Variants in CTNNA1 observed in about 807,000 individuals in gnomAD.
CTNNA1 encodes catenin alpha-1.
Under a neutral mutation model 98.4 loss-of-function variants are expected in CTNNA1, and 37 were observed. The ratio of observed to expected loss-of-function variants is 0.38; its 90% CI spans 0.29 to 0.49. The LOEUF is 0.49. Among genes scored for constraint, CTNNA1 ranks in the 20% least tolerant of loss-of-function variants. The pLI is 0.95. For missense variants in CTNNA1, 761 were observed against 1,147.2 expected (o/e 0.66, Z 4.86); for synonymous variants, 404 against 413.2 (o/e 0.98, Z 0.27).
intron 7 of CTNNA1, among the ~76,000 whole-genome samples, chr5:138,849,241 T>C (rs565459053): frequency 1.3e-5 from 2 of 152,264 alleles, no homozygotes; most frequent in Non-Finnish European, 2.9e-5. Flanking sequence ...TGTTCATTTT[T>C]TATAAGTTGT....
intron 7 of CTNNA1, among the ~76,000 whole-genome samples, chr5:138,866,083 G>A (rs1289510520): frequency 6.6e-6 from 1 of 152,146 alleles, no homozygotes; most frequent in East Asian, 1.9e-4. Context: ...GCTGAGGCGA[G>A]TGGATCACTT....
intron 9 of CTNNA1, among the ~76,000 whole-genome samples, chr5:138,898,541 A>G (rs1302513967): frequency 6.6e-6 from 1 of 151,872 alleles, no homozygotes; most frequent in African/African-American, 2.4e-5. Flanking sequence ...TTACAAGATC[A>G]TCTGAGTGGT....
chr5:138,933,694 C>A, intron 17 of CTNNA1, 108 bp from the exon 18 acceptor site: 5 of 1,166,138 alleles, frequency 4.3e-6, no homozygotes, highest in South Asian at 1.5e-5. Context: ...CCTGCCCAGG[C>A]CCTGGTCTTG....
intron 7 of CTNNA1, among the ~76,000 whole-genome samples, chr5:138,867,076 A>G (rs1164278581): frequency 8.5e-5 from 13 of 152,254 alleles, no homozygotes; most frequent in Non-Finnish European, 1.2e-4. Flanking sequence ...ATTAAAATGT[A>G]GGAGAATTAT....
chr5:138,764,157 C>T (rs1432280312), intron 1 of CTNNA1, among the ~76,000 whole-genome samples: 5 of 152,108 alleles, frequency 3.3e-5, no homozygotes, highest in Non-Finnish European at 7.4e-5. Flanking sequence ...TGCACTCCAG[C>T]GTGGGTGACA....
intron 1 of CTNNA1, among the ~76,000 whole-genome samples, chr5:138,777,016 C>T (rs1379024730): frequency 6.6e-6 from 1 of 152,170 alleles, no homozygotes; most frequent in Non-Finnish European, 1.5e-5. Context: ...CACCTCCCTC[C>T]CGGATGGGGT....
chr5:138,804,327 A>C (rs970191554), intron 3 of CTNNA1, among the ~76,000 whole-genome samples: 2 of 151,546 alleles, frequency 1.3e-5, no homozygotes, highest in Non-Finnish European at 2.9e-5. Context: ...CTCAACATAC[A>C]TAAAATTCAT....
chr5:138,757,292 G>A (rs1412086642), intron 1 of CTNNA1, among the ~76,000 whole-genome samples: 1 of 152,020 alleles, frequency 6.6e-6, no homozygotes, highest in African/African-American at 2.4e-5. Context: ...GGGGAATAGG[G>A]AGCTATTGTT....
chr5:138,869,030 A>G (rs1765077818), intron 7 of CTNNA1: 1 of 136,170 alleles, frequency 7.3e-6, no homozygotes, highest in Non-Finnish European at 1.6e-5. Flanking sequence ...TTTTCTTCCC[A>G]CCCTCAACCC....
At chr5:138,890,713 A>G (rs1240063730) in intron 9 of CTNNA1, among the ~76,000 whole-genome samples, 1 of 152,130 alleles carries the variant, frequency 6.6e-6, no homozygotes, top group African/African-American at 2.4e-5. Context: ...CAATAATGAT[A>G]TAGTTGAACT....
At chr5:138,928,132 A>T (rs1245797914) in intron 13 of CTNNA1, among the ~76,000 whole-genome samples, 1 of 152,148 alleles carries the variant, frequency 6.6e-6, no homozygotes, top group Non-Finnish European at 1.5e-5. Flanking sequence ...CCTGGTACAC[A>T]GACGAGAGAC....
intron 11 of CTNNA1, 28 bp downstream of exon 11, chr5:138,917,926 T>A (rs754806487): frequency 6.8e-6 from 11 of 1,607,252 alleles, no homozygotes; most frequent in Non-Finnish European, 8.5e-7. Context: ...CAGAGAAGTA[T>A]GTGAAGATGT....
intron 3 of CTNNA1, among the ~76,000 whole-genome samples, chr5:138,787,615 C>T (rs982408865): frequency 1.3e-5 from 2 of 152,122 alleles, no homozygotes; most frequent in Admixed American, 6.5e-5. Flanking sequence ...AGCTTACTGT[C>T]TTCAAAAAGG....
intron 8 of CTNNA1, 129 bp downstream of exon 8, chr5:138,886,421 T>A: frequency 1.0e-6 from 1 of 988,712 alleles, no homozygotes; most frequent in Non-Finnish European, 1.5e-6. Flanking sequence ...AGAAAGTGCC[T>A]ATCTTTGTTT....
chr5:138,785,717 C>A (rs547735097), intron 3 of CTNNA1, among the ~76,000 whole-genome samples: 24 of 152,286 alleles, frequency 1.6e-4, no homozygotes, highest in African/African-American at 5.8e-4. Flanking sequence ...TATGCCACCA[C>A]ACCCAGCTAA....
At chr5:138,886,332 C>G in intron 8 of CTNNA1, 40 bp downstream of exon 8, 1 of 1,542,048 alleles carries the variant, frequency 6.5e-7, no homozygotes, top group Non-Finnish European at 8.7e-7. Context: ...TCTAAGTTCT[C>G]AATTTTGTAG....
At chr5:138,891,824 A>G (rs1335145278) in intron 9 of CTNNA1, among the ~76,000 whole-genome samples, 1 of 152,188 alleles carries the variant, frequency 6.6e-6, no homozygotes, top group Non-Finnish European at 1.5e-5. Flanking sequence ...GTGAAAGGAA[A>G]ATAAATCTTG....
At chr5:138,891,870 A>G (rs751419531) in intron 9 of CTNNA1, among the ~76,000 whole-genome samples, 8 of 152,230 alleles carry the variant, frequency 5.3e-5, no homozygotes, top group Non-Finnish European at 7.3e-5. Context: ...GGAAAAATCA[A>G]TCTGGGAACT....
intron 7 of CTNNA1, among the ~76,000 whole-genome samples, chr5:138,858,594 C>CTTTTTCTTTTTCTTTTTCT (rs775638677): frequency 1.6e-5 from 2 of 124,048 alleles, no homozygotes; most frequent in African/African-American, 6.1e-5. Context: ...TTTTCTTTTT[C>CTTTTTCTTTTTCTTTTTCT]TTTTTTTTTT....
Sources: allele counts gnomAD v4.1 joint callset (sites outside exome capture counted in the v4.1 genomes callset), GRCh38; gene constraint gnomAD v4.1.1; transcripts MANE v1.5; gene names NCBI Gene and HGNC (gene_info 2026-07-23, HGNC 2026-07-21).